Variants in FNIP1 observed in about 807,000 individuals in gnomAD.
The protein encoded by FNIP1 is folliculin interacting protein 1.
In FNIP1, 40 loss-of-function variants were observed where a neutral mutation model predicts 124.5. That is an observed-to-expected ratio of 0.32 (90% CI 0.25 to 0.42). The LOEUF (loss-of-function observed/expected upper bound fraction) is 0.42, where lower values mean the gene tolerates loss of function less well. FNIP1 is among the 10% of genes least tolerant of loss of function. The probability of loss-of-function intolerance (pLI) is 1.00; values close to 1 mark genes in which losing one functional copy is unlikely to be tolerated. For missense variants in FNIP1, 1,176 were observed against 1,403.7 expected, an observed-to-expected ratio of 0.84 and a Z score of 2.59; for synonymous variants, 472 against 470.6, an observed-to-expected ratio of 1.00 and a Z score of -0.04.
chr5:131,653,375 T>C (rs1472903180), intron 15 of FNIP1, among the ~76,000 whole-genome samples: 1 of 151,842 alleles, frequency 6.6e-6, no homozygotes, highest in African/African-American at 2.4e-5. Context: ...CCAACTCTAC[T>C]AAAAATACAA....
chr5:131,769,405 T>C (rs1257889781), intron 1 of FNIP1, among the ~76,000 whole-genome samples: 1 of 152,236 alleles, frequency 6.6e-6, no homozygotes, highest in Non-Finnish European at 1.5e-5. Context: ...ATTATTTTGA[T>C]GTTAACACAC....
chr5:131,699,897 T>G, intron 10 of FNIP1, among the ~76,000 whole-genome samples: 1 of 119,334 alleles, frequency 8.4e-6, no homozygotes, highest in African/African-American at 3.1e-5. Context: ...CCAGCCTGGG[T>G]GATGGAGTAA....
chr5:131,796,975 TC>T lies in FNIP1; in HGVS notation c.-55del. 6.7e-7 allele frequency: 1 copy of T among 1,485,212 alleles called. No individual in the cohort carries two copies. The highest frequency in any genetic ancestry group is 9.1e-7 in the Non-Finnish European group (1 of 1,094,188). The allele number at this position is 1,485,212 out of a possible 1,614,324, so 92.0% of individuals were successfully genotyped here. A position where few individuals can be genotyped will look rare whatever the true frequency, so the allele number is the denominator to read the frequency against. On this transcript the variant is annotated 5_prime_UTR_variant, in exon 1 of 18. Coordinates refer to ENST00000510461, the MANE Select transcript of FNIP1 (RefSeq NM_133372.3). ...CGCTGGGCGCTTGCTAGGCCCCTGC[TC>T]CTACAGCCGCCCCGCCACCCCCATG... is the stretch of plus-strand genomic sequence containing the variant.
At chr5:131,657,097 A>C (rs1330942116) in intron 15 of FNIP1, among the ~76,000 whole-genome samples, 1 of 132,424 alleles carries the variant, frequency 7.6e-6, no homozygotes, top group Non-Finnish European at 1.5e-5. Context: ...TCCAACTCCC[A>C]GGTTCGAGTG....
intron 15 of FNIP1, among the ~76,000 whole-genome samples, chr5:131,667,267 G>C (rs1050272334): frequency 1.3e-5 from 2 of 152,058 alleles, no homozygotes; most frequent in Non-Finnish European, 2.9e-5. Context: ...TATATCCCTT[G>C]GAGTACTGGC....
chr5:131,709,954 A>G (rs751554539), intron 7 of FNIP1, among the ~76,000 whole-genome samples: 1 of 152,234 alleles, frequency 6.6e-6, no homozygotes, highest in Non-Finnish European at 1.5e-5. Flanking sequence ...AAAAGGTTAC[A>G]ATGTTAGGTA....
At chr5:131,704,791 A>G (rs1769027533) in intron 9 of FNIP1, among the ~76,000 whole-genome samples, 1 of 152,218 alleles carries the variant, frequency 6.6e-6, no homozygotes, top group Non-Finnish European at 1.5e-5. Context: ...ATATCAAAAC[A>G]TGTAGTATAT....
At chr5:131,743,846 T>C (rs533664957) in intron 2 of FNIP1, among the ~76,000 whole-genome samples, 2 of 152,274 alleles carry the variant, frequency 1.3e-5, no homozygotes, top group East Asian at 3.9e-4. Flanking sequence ...GCACCCAGTC[T>C]ACAGTATTTT....
chr5:131,715,168 A>G (rs1769425956), intron 6 of FNIP1, among the ~76,000 whole-genome samples: 1 of 152,232 alleles, frequency 6.6e-6, no homozygotes, highest in African/African-American at 2.4e-5. Context: ...TTTATAAGTA[A>G]TAATGGATTT....
chr5:131,707,443 A>C lies in FNIP1; in HGVS notation c.779-897T>G, dbSNP rs1160775320. Reference sequence around the variant, plus strand: ...AAAGGTACAGGCCAGATGATAAATTATTTTGGACACCAGCACTAAAAACTG... The same window carrying C: ...AAAGGTACAGGCCAGATGATAAATTCTTTTGGACACCAGCACTAAAAACTG... On this transcript the variant is annotated intron_variant, in intron 8 of 17. Coordinates refer to ENST00000510461, the MANE Select transcript of FNIP1 (RefSeq NM_133372.3). Among the ~76,000 whole-genome samples the C allele has an allele frequency of 3.3e-5, 5 of 152,356 alleles. No homozygotes were observed. The East Asian group carries it at 9.6e-4, about 29-fold the overall frequency.
chr5:131,782,966 T>G (rs557750515), intron 1 of FNIP1, among the ~76,000 whole-genome samples: 6 of 152,362 alleles, frequency 3.9e-5, no homozygotes, highest in African/African-American at 1.4e-4. Context: ...CCTGGTCCGT[T>G]TCTTAAGTAT....
intron 13 of FNIP1, among the ~76,000 whole-genome samples, chr5:131,675,532 C>G (rs772948876): frequency 1.3e-5 from 2 of 152,132 alleles, no homozygotes; most frequent in African/African-American, 4.8e-5. Flanking sequence ...GAATACTACT[C>G]AGCATTAAAA....
At chr5:131,778,277 A>AATC (rs1771877667) in intron 1 of FNIP1, among the ~76,000 whole-genome samples, 1 of 152,230 alleles carries the variant, frequency 6.6e-6, no homozygotes, top group African/African-American at 2.4e-5. Context: ...CTCTGAATCT[A>AATC]ATCAAGCCTC....
intron 11 of FNIP1, among the ~76,000 whole-genome samples, chr5:131,683,552 CAAA>C (rs1184433193): frequency 1.9e-5 from 1 of 53,004 alleles, no homozygotes. Flanking sequence ...GACTCCGTCT[CAAA>C]AAAAAAAAAA....
At chr5:131,755,670 A>G (rs1411815603) in intron 1 of FNIP1, among the ~76,000 whole-genome samples, 1 of 152,130 alleles carries the variant, frequency 6.6e-6, no homozygotes, top group Non-Finnish European at 1.5e-5. Context: ...AAGACAGACT[A>G]CTAGAGAGGA....
chr5:131,665,888 C>G (rs1280177666), intron 15 of FNIP1, among the ~76,000 whole-genome samples: 1 of 148,580 alleles, frequency 6.7e-6, no homozygotes, highest in Non-Finnish European at 1.5e-5. Context: ...AGCGCTTGGC[C>G]TAAAATAATA....
intron 1 of FNIP1, among the ~76,000 whole-genome samples, chr5:131,755,092 A>G (rs1771000910): frequency 6.6e-6 from 1 of 152,188 alleles, no homozygotes; most frequent in African/African-American, 2.4e-5. Flanking sequence ...GGGCTGCGAG[A>G]CAGCTGAAGA....
intron 1 of FNIP1, among the ~76,000 whole-genome samples, chr5:131,767,745 A>C (rs2149575862): frequency 6.6e-6 from 1 of 152,346 alleles, no homozygotes; most frequent in African/African-American, 2.4e-5. Flanking sequence ...CTAAGGAATT[A>C]TAATTCTCTA....
At chr5:131,792,305 C>T (rs551845261) in intron 1 of FNIP1, among the ~76,000 whole-genome samples, 28 of 152,064 alleles carry the variant, frequency 1.8e-4, no homozygotes, top group Admixed American at 9.8e-4. Flanking sequence ...GGATTACAGG[C>T]GCCCGCCACC....
Sources: gnomAD v4.1 joint callset for allele counts (sites outside exome capture counted in the v4.1 genomes callset) on GRCh38, gnomAD v4.1.1 for gene constraint, MANE v1.5 for transcripts, NCBI Gene and HGNC (gene_info 2026-07-23, HGNC 2026-07-21) for gene names.